The following ITPK1 variants were observed in gnomAD, a reference collection of about 807,000 sequenced individuals.
ITPK1 encodes inositol 1,3,4-trisphosphate 5/6-kinase.
In ITPK1, 21 loss-of-function variants were observed where a neutral mutation model predicts 45.3. That is an observed-to-expected ratio of 0.46 (90% CI 0.33 to 0.67). The LOEUF (loss-of-function observed/expected upper bound fraction) is 0.67, where lower values mean the gene tolerates loss of function less well. Among genes scored for constraint, ITPK1 ranks in the 30% least tolerant of loss-of-function variants. The pLI is 0.02. For missense variants in ITPK1, 474 were observed against 573.5 expected (o/e 0.83, Z 1.77); for synonymous variants, 258 against 253.6 (o/e 1.02, Z -0.16).
chr14:92,994,689 G>C (rs773245099), intron 4 of ITPK1, among the ~76,000 whole-genome samples: 1 of 152,160 alleles, frequency 6.6e-6, no homozygotes, highest in Non-Finnish European at 1.5e-5. Flanking sequence ...CATAGCGAAG[G>C]AGCCCACCCT....
intron 3 of ITPK1, among the ~76,000 whole-genome samples, chr14:93,033,194 C>T (rs752842966): frequency 1.3e-5 from 2 of 152,166 alleles, no homozygotes; most frequent in African/African-American, 2.4e-5. Flanking sequence ...AGAGTAGGAC[C>T]GAAGGTCATC....
intron 5 of ITPK1, among the ~76,000 whole-genome samples, chr14:92,974,499 T>C (rs1016750782): frequency 9.9e-5 from 15 of 152,186 alleles, no homozygotes; most frequent in African/African-American, 3.4e-4. Flanking sequence ...TTGTAGCTAA[T>C]GCAGCAACCT....
chr14:93,023,726 G>A (rs1236686834), intron 3 of ITPK1, among the ~76,000 whole-genome samples: 2 of 152,150 alleles, frequency 1.3e-5, no homozygotes, highest in African/African-American at 4.8e-5. Context: ...GGATGAGAGA[G>A]GAATGGGGAT....
intron 2 of ITPK1, among the ~76,000 whole-genome samples, chr14:93,079,976 G>A (rs1891375139): frequency 6.6e-6 from 1 of 152,222 alleles, no homozygotes; most frequent in South Asian, 2.1e-4. Flanking sequence ...CAAACTGTAT[G>A]TGATAGCAAA....
intron 4 of ITPK1, chr14:92,999,063 A>G (rs1887200766): frequency 6.6e-6 from 1 of 152,236 alleles, no homozygotes; most frequent in South Asian, 2.1e-4. Flanking sequence ...CAAGACAGAA[A>G]AAGAAACAGA....
rs1039238187 is a variant in ITPK1 at position 93,012,340 on chromosome 14, C to T, written c.246+4336G>A. Among the ~76,000 whole-genome samples the T allele has an allele frequency of 4.6e-5, 7 of 152,114 alleles. No individual in the cohort carries two copies. Among genetic ancestry groups the T allele is most frequent in the African/African-American group, 9.7e-5 (4 of 41,412 alleles). ...GAGAGATGTGTCATTAATCAGCTCA[C>T]GAGGGAGGACATTTCTTGGGAAGGG... On this transcript the variant is annotated intron_variant, in intron 4 of 10. Transcript: ENST00000267615. The surrounding 1 kb of genome is among the most constrained non-coding windows in gnomAD (Gnocchi z 4.9).
chr14:93,019,737 G>A (rs979855380), intron 3 of ITPK1, among the ~76,000 whole-genome samples: 6 of 152,128 alleles, frequency 3.9e-5, no homozygotes, highest in East Asian at 1.9e-4. Flanking sequence ...CCTTGGGTGC[G>A]GCCCCCACAG....
Position 92,940,425 on chromosome 14 carries a change from G to A in ITPK1, c.*1136C>T, listed in dbSNP as rs1595067337. ...CTTTGCTGCCAAGGTGATGGGGTGA[G>A]TCTGAGGTGTGCAGAAGCGATGGGG... On this transcript the variant is annotated 3_prime_UTR_variant, in exon 11 of 11. Transcript: ENST00000267615. 9.1e-7 allele frequency: 1 copy of A among 1,094,376 alleles called. No homozygotes were observed. Among genetic ancestry groups the A allele is most frequent in the Non-Finnish European group, 1.1e-6 (1 of 893,104 alleles). The allele number at this position is 1,094,376 out of a possible 1,614,324, so 67.8% of individuals were successfully genotyped here.
intron 4 of ITPK1, among the ~76,000 whole-genome samples, chr14:93,004,311 A>T (rs1887499329): frequency 6.6e-6 from 1 of 152,230 alleles, no homozygotes; most frequent in Admixed American, 6.5e-5. Flanking sequence ...TTTTGCCTGG[A>T]TTCAGTCCTA....
chr14:93,025,158 C>T (rs1888677056), intron 3 of ITPK1, among the ~76,000 whole-genome samples: 1 of 152,074 alleles, frequency 6.6e-6, no homozygotes, highest in South Asian at 2.1e-4. Context: ...AGGGTCTTTC[C>T]ATCCTGCCGG....
chr14:93,064,238 G>A (rs768793044), intron 3 of ITPK1, among the ~76,000 whole-genome samples: 5 of 152,148 alleles, frequency 3.3e-5, no homozygotes, highest in Admixed American at 1.3e-4. Context: ...AGCCGAGGTC[G>A]CGCCACTGCA....
intron 2 of ITPK1, among the ~76,000 whole-genome samples, chr14:93,099,171 C>T (rs1892208276): frequency 6.6e-6 from 1 of 152,150 alleles, no homozygotes; most frequent in Non-Finnish European, 1.5e-5. Context: ...CTGTGGGGGG[C>T]CAGGGTCTGG....
At chr14:93,086,477 T>C (rs1389182311) in intron 2 of ITPK1, among the ~76,000 whole-genome samples, 1 of 152,216 alleles carries the variant, frequency 6.6e-6, no homozygotes, top group Non-Finnish European at 1.5e-5. Flanking sequence ...GGTCTGATTT[T>C]GGTCAAACAT....
intron 7 of ITPK1, among the ~76,000 whole-genome samples, chr14:92,960,712 G>A (rs1466704236): frequency 1.3e-5 from 2 of 152,244 alleles, no homozygotes; most frequent in Non-Finnish European, 2.9e-5. Flanking sequence ...ACACACAGAG[G>A]AACCACTGGG....
At chr14:92,993,524 C>T (rs1193997223) in intron 5 of ITPK1, among the ~76,000 whole-genome samples, 2 of 152,166 alleles carry the variant, frequency 1.3e-5, no homozygotes, top group Admixed American at 1.3e-4. Flanking sequence ...TTGTGTCCTC[C>T]GCGCAGTTAC....
In ITPK1 at chr14:93,016,690, C is replaced by A. The variant is rs754710968; in HGVS notation, c.232G>T (p.Val78Leu). 1 of 1,613,976 alleles carries A rather than the reference C, an allele frequency of 6.2e-7. No individual in the cohort carries two copies. The highest frequency in any genetic ancestry group is 8.5e-7 in the Non-Finnish European group (1 of 1,179,996). Residue 78 changes from valine (V) to leucine (L), a missense_variant, in exon 4 of 11, where the codon GTG becomes TTG. Val to Leu is a conservative substitution (Grantham distance 32). This residue lies in a region of ITPK1 where 367 missense variants were observed against 480.6 expected (regional missense o/e 0.76). Transcript: ENST00000267615. This position sits in a 1 kb window ranked among gnomAD's most constrained non-coding sequence, Gnocchi z 5.0. ...TCCTCACTCACCTGGAACCTGTGCA[C>A]CAGCTCCAGGGACTGGCTATCATTC... ...DQNDSQSLELVHRFQEYIDAH... is the reference protein window; with the variant it reads ...DQNDSQSLELLHRFQEYIDAH...
At chr14:92,980,929 A>C (rs1448546970) in intron 5 of ITPK1, among the ~76,000 whole-genome samples, 1 of 152,140 alleles carries the variant, frequency 6.6e-6, no homozygotes, top group Non-Finnish European at 1.5e-5. Flanking sequence ...GCTGGTCTTG[A>C]GCTCTTGACC....
At chr14:93,055,536 G>A (rs1042204257) in intron 3 of ITPK1, among the ~76,000 whole-genome samples, 4 of 152,072 alleles carry the variant, frequency 2.6e-5, no homozygotes, top group African/African-American at 9.7e-5. Flanking sequence ...TTTGGGGTTT[G>A]TTTACTGGGA....
At chr14:93,062,595 G>C (rs1890574654) in intron 3 of ITPK1, among the ~76,000 whole-genome samples, 1 of 152,126 alleles carries the variant, frequency 6.6e-6, no homozygotes, top group Non-Finnish European at 1.5e-5. Context: ...TACACAGGAG[G>C]CTCTCCAGAC....
Sources: allele counts gnomAD v4.1 joint callset (sites outside exome capture counted in the v4.1 genomes callset), GRCh38; gene constraint gnomAD v4.1.1; regional missense constraint gnomAD v4.1.1; non-coding constraint Gnocchi (gnomAD v3.1); transcripts MANE v1.5; gene names NCBI Gene and HGNC (gene_info 2026-07-23, HGNC 2026-07-21).